The following SORCS3 variants were observed in gnomAD, a reference collection of about 807,000 sequenced individuals.
The protein encoded by SORCS3 is VPS10 domain-containing receptor SorCS3.
Under a neutral mutation model 146.3 loss-of-function variants are expected in SORCS3, and 57 were observed. The observed-to-expected ratio is 0.39, with a 90% CI of 0.31 to 0.49. SORCS3 has a LOEUF of 0.49. Ranked by LOEUF, SORCS3 falls within the 20% of genes least tolerant of loss-of-function variation. The probability of loss-of-function intolerance (pLI) is 0.92; values close to 1 mark genes in which losing one functional copy is unlikely to be tolerated. For synonymous variants in SORCS3, 653 were observed against 618.5 expected (o/e 1.06, Z -0.83); for missense variants, 1,341 against 1,575.5 (o/e 0.85, Z 2.52).
intron 5 of SORCS3, among the ~76,000 whole-genome samples, chr10:105,057,643 A>T (rs756433926): frequency 3.3e-5 from 5 of 152,186 alleles, no homozygotes; most frequent in African/African-American, 2.4e-5. Context: ...TGGAAGAAAT[A>T]GACCCCTTCA....
At chr10:105,017,692 C>G (rs1158672607) in intron 4 of SORCS3, among the ~76,000 whole-genome samples, 1 of 152,192 alleles carries the variant, frequency 6.6e-6, no homozygotes, top group African/African-American at 2.4e-5. Context: ...TCATTTGTTT[C>G]ACAAGGGTGG....
At position 104,693,557 on chromosome 10, in the gene SORCS3, G is replaced by A. The variant is rs182762892; in HGVS notation, c.627+51603G>A. Among the ~76,000 whole-genome samples, 146 of 152,190 alleles carry A rather than the reference G, an allele frequency of 9.6e-4. 1 individual carries two copies. The highest frequency in any genetic ancestry group is 3.5e-3 in the African/African-American group (145 of 41,518). ...TGGGTGGGTGTTGAGGATTATGACC[G>A]CAACCTTGACAGTAATAACCCAGAG... On this transcript the variant is annotated intron_variant, in intron 1 of 26. Coordinates refer to ENST00000369701, the MANE Select transcript of SORCS3 (RefSeq NM_014978.3).
intron 3 of SORCS3, among the ~76,000 whole-genome samples, chr10:104,954,046 T>C (rs990357414): frequency 5.9e-5 from 9 of 152,176 alleles, no homozygotes; most frequent in African/African-American, 1.9e-4. Context: ...TTCAAGGTTG[T>C]CCTAAAAAGT....
At chr10:105,067,735 T>C (rs2133723401) in intron 5 of SORCS3, among the ~76,000 whole-genome samples, 1 of 152,278 alleles carries the variant, frequency 6.6e-6, no homozygotes, top group Admixed American at 6.5e-5. Context: ...CCAAATCCCA[T>C]GCTTTCCTTT....
intron 7 of SORCS3, among the ~76,000 whole-genome samples, chr10:105,129,861 A>G (rs2056005333): frequency 1.3e-5 from 2 of 152,154 alleles, no homozygotes; most frequent in South Asian, 2.1e-4. Flanking sequence ...CTAGGAATTC[A>G]TCTTGGCTGA....
At chr10:104,816,231 C>T (rs1400519093) in intron 1 of SORCS3, among the ~76,000 whole-genome samples, 2 of 152,106 alleles carry the variant, frequency 1.3e-5, no homozygotes, top group Admixed American at 1.3e-4. Context: ...TTTATAATAT[C>T]CTTAAATTTC....
intron 14 of SORCS3, among the ~76,000 whole-genome samples, chr10:105,194,974 G>A (rs941397621): frequency 5.3e-5 from 8 of 152,162 alleles, no homozygotes; most frequent in Admixed American, 3.9e-4. Context: ...AGAACCTCTG[G>A]TCTAGAGATA....
rs190612100 is a variant in SORCS3, at chr10:105,035,562, G to A, written c.955-7493G>A. ...GGCTCACTGCAACCTCCGCCTCCCA[G>A]ATTCAAGTGATTCTCCTGCCTCAGC... On this transcript the variant is annotated intron_variant, in intron 4 of 26. Coordinates refer to ENST00000369701, the MANE Select transcript of SORCS3 (RefSeq NM_014978.3). 8.6e-4 allele frequency among the ~76,000 whole-genome samples: 130 copies of A among 151,432 alleles called. 6 individuals carry two copies. The East Asian group carries it at 0.019, about 23-fold the overall frequency.
intron 1 of SORCS3, among the ~76,000 whole-genome samples, chr10:104,702,594 A>G (rs901866203): frequency 1.3e-4 from 20 of 152,170 alleles, no homozygotes; most frequent in Non-Finnish European, 2.4e-4. Flanking sequence ...GGCAGGATAC[A>G]GTTTTTAAGT....
At chr10:105,177,993 AC>A in intron 13 of SORCS3, 72 bp from the exon 14 acceptor site, 1 of 1,149,042 alleles carries the variant, frequency 8.7e-7, no homozygotes, top group Non-Finnish European at 1.3e-6. Flanking sequence ...AAATTTAATA[AC>A]CTGAAAAACG....
At chr10:104,742,617 C>A (rs1000687324) in intron 1 of SORCS3, among the ~76,000 whole-genome samples, 1 of 152,196 alleles carries the variant, frequency 6.6e-6, no homozygotes, top group African/African-American at 2.4e-5. Context: ...GGGCTGCAGA[C>A]CTTGGACAGC....
At chr10:105,072,659 C>CT (rs545305956) in intron 5 of SORCS3, among the ~76,000 whole-genome samples, 2 of 16,582 alleles carry the variant, frequency 1.2e-4, no homozygotes, top group African/African-American at 3.3e-4. Context: ...CTCTCTCTCT[C>CT]TTTTTTTTTT....
At chr10:104,719,192 A>G (rs1033254644) in intron 1 of SORCS3, among the ~76,000 whole-genome samples, 1 of 152,186 alleles carries the variant, frequency 6.6e-6, no homozygotes, top group African/African-American at 2.4e-5. Context: ...CCGTAATTAC[A>G]TGTAGCTAAT....
chr10:104,912,708 C>T (rs915343042), intron 2 of SORCS3, among the ~76,000 whole-genome samples: 1 of 152,196 alleles, frequency 6.6e-6, no homozygotes, highest in Non-Finnish European at 1.5e-5. Context: ...TTGTACCAGG[C>T]ATGGTGCAAG....
chr10:104,984,037 G>T (rs1020682465), intron 4 of SORCS3, among the ~76,000 whole-genome samples: 1 of 152,078 alleles, frequency 6.6e-6, no homozygotes, highest in Non-Finnish European at 1.5e-5. Context: ...AATTACTTGC[G>T]TGCTTTTTCA....
chr10:105,096,382 C>G (rs1304250531), intron 6 of SORCS3, among the ~76,000 whole-genome samples: 1 of 152,152 alleles, frequency 6.6e-6, no homozygotes, highest in Non-Finnish European at 1.5e-5. Context: ...TCAGCTGCTG[C>G]TTCTGGCCTG....
intron 3 of SORCS3, among the ~76,000 whole-genome samples, chr10:104,931,638 A>G (rs1259670446): frequency 2.0e-5 from 3 of 152,154 alleles, no homozygotes; most frequent in Non-Finnish European, 2.9e-5. Flanking sequence ...AGAAATCTCA[A>G]CCTCTAGAAA....
chr10:105,134,434 G>A (rs1453386073), intron 7 of SORCS3, among the ~76,000 whole-genome samples: 2 of 151,778 alleles, frequency 1.3e-5, no homozygotes, highest in East Asian at 3.9e-4. Flanking sequence ...TCTAAAGGCT[G>A]GAAAGCCCAA....
intron 4 of SORCS3, among the ~76,000 whole-genome samples, chr10:105,019,854 G>T (rs539676407): frequency 6.6e-6 from 1 of 152,296 alleles, no homozygotes; most frequent in South Asian, 2.1e-4. Flanking sequence ...AATAAATAAA[G>T]AAAATGTAAT....
Sources: allele counts gnomAD v4.1 joint callset (sites outside exome capture counted in the v4.1 genomes callset), GRCh38; gene constraint gnomAD v4.1.1; transcripts MANE v1.5; gene names NCBI Gene and HGNC (gene_info 2026-07-23, HGNC 2026-07-21).